Variants in RAB9B observed in about 807,000 individuals in gnomAD.
RAB9B encodes ras-related protein Rab-9B.
RAB9B carries 1 observed loss-of-function variant against 8.9 expected under a neutral mutation model. The observed-to-expected ratio is 0.11, with a 90% confidence interval of 0.04 to 0.53. RAB9B has a LOEUF of 0.53. RAB9B is among the 20% of genes least tolerant of loss of function. RAB9B has a pLI of 0.93. For missense variants in RAB9B, 82 were observed against 152.9 expected, an observed-to-expected ratio of 0.54 and a Z score of 2.45; for synonymous variants, 63 against 57.0, an observed-to-expected ratio of 1.10 and a Z score of -0.47.
the RAB9B span, chrX:103,777,102 G>T: frequency 3.0e-6 from 2 of 666,417 alleles, no homozygotes; most frequent in African/African-American, 4.3e-5. Flanking sequence ...TAAATGAGTC[G>T]TGTTTTGGCA....
At chrX:103,776,826 T>A in the RAB9B span, 2 of 511,452 alleles carry the variant, frequency 3.9e-6, no homozygotes, top group Non-Finnish European at 6.7e-6. Context: ...GGGTTGGCTG[T>A]CAATCAGAAA....
chrX:103,798,620 A>G, the RAB9B span, among the ~76,000 whole-genome samples: 1 of 109,017 alleles, frequency 9.2e-6, no homozygotes, highest in South Asian at 3.9e-4. Flanking sequence ...CCCTGCCATC[A>G]TTTAGTGGCC....
At chrX:103,786,810 C>T in the RAB9B span, 2 of 1,015,100 alleles carry the variant, frequency 2.0e-6, no homozygotes, top group Non-Finnish European at 2.8e-6. Flanking sequence ...CCACCCAAGG[C>T]TGGGTCCTCT....
At chrX:103,815,667 T>C in the RAB9B span, among the ~76,000 whole-genome samples, 1 of 112,226 alleles carries the variant, frequency 8.9e-6, no homozygotes, top group Non-Finnish European at 1.9e-5. Flanking sequence ...ATGCCATGAT[T>C]GTATATTTAG....
Position 103,825,013 on chromosome X carries a change from AT to A in RAB9B, c.*165del. 5.5e-6 allele frequency: 3 copies of A among 542,997 alleles called. No homozygotes were observed. Among genetic ancestry groups the A allele is most frequent in the Non-Finnish European group, 8.3e-6 (3 of 360,079 alleles). The allele number at this position is 542,997 out of a possible 1,213,427, so 44.7% of individuals were successfully genotyped here. On this transcript the variant is annotated 3_prime_UTR_variant, in exon 3 of 3. Transcript: ENST00000243298. Reference sequence around the variant, plus strand: ...AGAGCTTCATTTTTTTTAATTTTTAATTTTTTTAAATCAATCTACACTTCAA... The same window carrying A: ...AGAGCTTCATTTTTTTTAATTTTTAATTTTTTAAATCAATCTACACTTCAA...
the RAB9B span, chrX:103,792,183 G>T: frequency 2.7e-5 from 3 of 111,102 alleles, no homozygotes; most frequent in African/African-American, 9.8e-5. Flanking sequence ...TTCTTTTGTT[G>T]TAAAGAGTTG....
At chrX:103,817,541 C>T (rs899466114), downstream of RAB9B, among the ~76,000 whole-genome samples, 6 of 109,735 alleles carry the variant, frequency 5.5e-5, no homozygotes, top group African/African-American at 2.0e-4. Flanking sequence ...TACAAATGTG[C>T]ACGTTCTGCA....
At chrX:103,789,760 G>A in the RAB9B span, among the ~76,000 whole-genome samples, 3 of 111,863 alleles carry the variant, frequency 2.7e-5, no homozygotes, top group African/African-American at 9.7e-5. Flanking sequence ...GAAACATCAC[G>A]AAACATGACT....
At chrX:103,786,180 A>G in the RAB9B span, 1 of 1,122,314 alleles carries the variant, frequency 8.9e-7, no homozygotes, top group Non-Finnish European at 1.2e-6. Context: ...GTGAGTTAGC[A>G]TGTCTGAAGG....
chrX:103,819,095 A>G (rs191051043), downstream of RAB9B, among the ~76,000 whole-genome samples: 1 of 111,661 alleles, frequency 9.0e-6, no homozygotes, highest in East Asian at 2.8e-4. Context: ...GAGAAAAGAG[A>G]TGATATGAGC....
At chrX:103,809,666 A>T in the RAB9B span, among the ~76,000 whole-genome samples, 31 of 112,040 alleles carry the variant, frequency 2.8e-4, no homozygotes, top group Admixed American at 1.6e-3. Context: ...TGACTAAGAC[A>T]ATGATGCTGC....
chrX:103,806,260 G>A, the RAB9B span, among the ~76,000 whole-genome samples: 20 of 111,167 alleles, frequency 1.8e-4, no homozygotes, highest in South Asian at 7.2e-3. Flanking sequence ...TCTAAGCACT[G>A]CTTTTCCTGT....
intron 1 of RAB9B, among the ~76,000 whole-genome samples, chrX:103,829,519 T>G (rs2074695692): frequency 8.9e-6 from 1 of 112,214 alleles, no homozygotes; most frequent in South Asian, 3.7e-4. Context: ...ACCATCCTCA[T>G]TTTGGCCCAC....
chrX:103,826,148 G>C lies in RAB9B; in HGVS notation c.-42-322C>G, dbSNP rs999652751. Among the ~76,000 whole-genome samples, 31 of 112,012 alleles carry C rather than the reference G, an allele frequency of 2.8e-4. No homozygotes were observed. The Admixed American group carries it at 2.9e-3, about 10-fold the overall frequency. On this transcript the variant is annotated intron_variant, in intron 2 of 2. Transcript: ENST00000243298. Reference sequence around the variant, plus strand: ...TAGAACAGGAATGCCACTCAAATGTGTGACAACTTTAGCTTCCGGTTTGGA... The same window carrying C: ...TAGAACAGGAATGCCACTCAAATGTCTGACAACTTTAGCTTCCGGTTTGGA...
At chrX:103,812,077 T>C in the RAB9B span, among the ~76,000 whole-genome samples, 3 of 109,658 alleles carry the variant, frequency 2.7e-5, no homozygotes, top group Non-Finnish European at 3.8e-5. Flanking sequence ...CATTGCAGCC[T>C]GGACCTCCTA....
At chrX:103,808,661 AC>A in the RAB9B span, among the ~76,000 whole-genome samples, 4 of 112,787 alleles carry the variant, frequency 3.5e-5, no homozygotes, top group Non-Finnish European at 7.5e-5. Flanking sequence ...ATGATTCTGT[AC>A]ACAGCAGCTG....
the RAB9B span, chrX:103,787,612 C>A: frequency 2.1e-6 from 1 of 475,895 alleles, no homozygotes; most frequent in Non-Finnish European, 3.7e-6. Context: ...TATACTGGGG[C>A]CAGTTATCTA....
At chrX:103,797,222 G>A in the RAB9B span, among the ~76,000 whole-genome samples, 1 of 7,467 alleles carries the variant, frequency 1.3e-4, no homozygotes, top group East Asian at 4.7e-3. Flanking sequence ...AGAGTAGCTG[G>A]GACTACAGGC....
the RAB9B span, among the ~76,000 whole-genome samples, chrX:103,796,473 A>G: frequency 9.0e-6 from 1 of 111,033 alleles, no homozygotes; most frequent in African/African-American, 3.3e-5. Context: ...TGTCTCAGAA[A>G]TAATAATAAT....
Sources: allele counts gnomAD v4.1 joint callset (sites outside exome capture counted in the v4.1 genomes callset), GRCh38; gene constraint gnomAD v4.1.1; transcripts MANE v1.5; gene names NCBI Gene and HGNC (gene_info 2026-07-23, HGNC 2026-07-21).